Variants in DSG4 observed in about 807,000 individuals in gnomAD.
DSG4 encodes the protein desmoglein-4.
DSG4 carries 87 observed loss-of-function variants against 93.1 expected under a neutral mutation model. That is an observed-to-expected ratio of 0.93 (90% CI 0.79 to 1.12). DSG4 has a LOEUF of 1.12. DSG4 is among the 50% of genes most tolerant of loss of function. DSG4 has a pLI of 0.00. For synonymous variants in DSG4, 432 were observed against 452.9 expected (o/e 0.95, Z 0.59); for missense variants, 1,373 against 1,285.7 (o/e 1.07, Z -1.04).
At chr18:31,412,665 G>A (rs1159736502) in intron 15 of DSG4, among the ~76,000 whole-genome samples, 163 bp from the exon 16 acceptor site, 1 of 152,172 alleles carries the variant, frequency 6.6e-6, no homozygotes, top group South Asian at 2.1e-4. Context: ...TGCTATCACA[G>A]AATGTGCATG....
intron 1 of DSG4, among the ~76,000 whole-genome samples, chr18:31,377,266 C>T (rs2072086994): frequency 6.6e-6 from 1 of 152,164 alleles, no homozygotes; most frequent in Admixed American, 6.6e-5. Flanking sequence ...ATTCTATGAT[C>T]ATATAAATAA....
chr18:31,407,460 C>T (rs1001058845), intron 12 of DSG4, among the ~76,000 whole-genome samples: 1 of 150,970 alleles, frequency 6.6e-6, no homozygotes, highest in Non-Finnish European at 1.5e-5. Flanking sequence ...GCCCTCCTTT[C>T]CCCATAGAGT....
intron 12 of DSG4, among the ~76,000 whole-genome samples, chr18:31,406,760 G>T (rs2072431864): frequency 6.7e-6 from 1 of 150,054 alleles, no homozygotes; most frequent in African/African-American, 2.5e-5. Context: ...GAAAAGCTGA[G>T]GATTTTTTTT....
At chr18:31,399,005 T>G (rs1475715661) in intron 8 of DSG4, among the ~76,000 whole-genome samples, 3 of 152,232 alleles carry the variant, frequency 2.0e-5, no homozygotes, top group Non-Finnish European at 4.4e-5. Context: ...AGCATTTTTG[T>G]ATAAAAAGTC....
At chr18:31,400,457 G>GCCC (rs973346058) in intron 9 of DSG4, among the ~76,000 whole-genome samples, 7 of 152,116 alleles carry the variant, frequency 4.6e-5, no homozygotes, top group African/African-American at 1.7e-4. Context: ...GATATCACAA[G>GCCC]CCCCCAACAG....
At chr18:31,385,087 C>A in intron 1 of DSG4, 49 bp from the exon 2 acceptor site, 1 of 1,489,150 alleles carries the variant, frequency 6.7e-7, no homozygotes, top group Non-Finnish European at 9.3e-7. Flanking sequence ...ACATGGCTTC[C>A]TCTAAATTAT....
chr18:31,412,727 C>G, intron 15 of DSG4, 101 bp from the exon 16 acceptor site: 1 of 1,232,902 alleles, frequency 8.1e-7, no homozygotes. Context: ...CAGTTTATTC[C>G]GTAACAACTT....
intron 12 of DSG4, among the ~76,000 whole-genome samples, chr18:31,408,140 G>A (rs2072447737): frequency 1.3e-5 from 2 of 152,208 alleles, no homozygotes; most frequent in Admixed American, 1.3e-4. Flanking sequence ...GAGAGAGGGG[G>A]CAGTGTGATG....
rs373308767 is a variant in DSG4 at position 31,409,588 on chromosome 18, C to T, written c.2070C>T (p.Asp690=). 18 of 1,614,166 alleles carry T rather than the reference C, an allele frequency of 1.1e-5. No individual in the cohort carries two copies. Among genetic ancestry groups the T allele is most frequent in the South Asian group, 1.1e-4 (10 of 91,080 alleles). The change falls in exon 13 of 16, where the codon GAC becomes GAT. Residue 690 remains aspartate, a synonymous_variant. Coordinates refer to ENST00000308128, the MANE Select transcript of DSG4 (RefSeq NM_177986.5). The part of the protein sequence containing the change: ...SWRIEGAHPE[D]RDVSNICAPM... ...GAATTGAAGGGGCCCATCCCGAGGA[C>T]AGGGTAAGTGGACTGTCACTCTCCA... is the stretch of plus-strand genomic sequence containing the variant.
rs763042725 is a variant in DSG4 at position 31,389,010 on chromosome 18, G to A, written c.509G>A (p.Ser170Asn). The A allele has an allele frequency of 6.2e-7, 1 of 1,613,076 alleles. No individual in the cohort carries two copies. The highest frequency in any genetic ancestry group is 8.5e-7 in the Non-Finnish European group (1 of 1,179,268). ...TACACAGCCAGCATTGAAGAAAATA[G>A]TGATGCCAGTAAGTAGAATGACATT... ...SVYTASIEENSDANTLVVKLC... is the reference protein window; with the variant it reads ...SVYTASIEENNDANTLVVKLC... The change falls in exon 5 of 16, where the codon AGT (serine) becomes AAT (asparagine). Residue 170 changes from serine to asparagine, a missense_variant. By Grantham distance (46) the Ser-to-Asn change is conservative. Transcript: ENST00000308128.
intron 8 of DSG4, among the ~76,000 whole-genome samples, chr18:31,393,922 G>A (rs1270789246): frequency 6.6e-6 from 1 of 152,098 alleles, no homozygotes; most frequent in Admixed American, 6.5e-5. Context: ...ATATAAGATT[G>A]TCATCCAAAT....
chr18:31,394,130 T>C (rs1598742139), intron 8 of DSG4, among the ~76,000 whole-genome samples: 1 of 152,186 alleles, frequency 6.6e-6, no homozygotes, highest in Non-Finnish European at 1.5e-5. Context: ...TCTGTGGCTG[T>C]TTCCACACTC....
chr18:31,388,759 A>G (rs1361194619), intron 4 of DSG4, 115 bp from the exon 5 acceptor site: 6 of 1,491,974 alleles, frequency 4.0e-6, no homozygotes, highest in Non-Finnish European at 5.6e-6. Context: ...TGACTGTACT[A>G]CAGTCTGAAT....
intron 8 of DSG4, among the ~76,000 whole-genome samples, chr18:31,397,174 A>T (rs1297192811): frequency 6.6e-6 from 1 of 152,222 alleles, no homozygotes; most frequent in African/African-American, 2.4e-5. Flanking sequence ...CGTAGCTTCT[A>T]TACTACAATT....
At chr18:31,397,713 A>G (rs1284249745) in intron 8 of DSG4, among the ~76,000 whole-genome samples, 1 of 152,116 alleles carries the variant, frequency 6.6e-6, no homozygotes, top group African/African-American at 2.4e-5. Context: ...AGAAAAGCAC[A>G]AGAGATTTCT....
intron 12 of DSG4, among the ~76,000 whole-genome samples, chr18:31,406,672 G>A (rs553871445): frequency 5.9e-5 from 9 of 152,292 alleles, no homozygotes; most frequent in African/African-American, 1.9e-4. Flanking sequence ...TGCTTTAAGA[G>A]TAGAGAGGCA....
intron 11 of DSG4, among the ~76,000 whole-genome samples, chr18:31,405,124 A>G (rs1296571599): frequency 6.6e-6 from 1 of 152,224 alleles, no homozygotes; most frequent in Non-Finnish European, 1.5e-5. Flanking sequence ...ATAATAAACC[A>G]TCATAATAAA....
intron 1 of DSG4, among the ~76,000 whole-genome samples, chr18:31,379,270 G>A (rs566639013): frequency 5.0e-4 from 76 of 152,148 alleles, no homozygotes; most frequent in Non-Finnish European, 9.8e-4. Context: ...ACTTCTCAGG[G>A]CTTCCTTTGA....
At chr18:31,379,204 G>A (rs1023902351) in intron 1 of DSG4, among the ~76,000 whole-genome samples, 3 of 152,158 alleles carry the variant, frequency 2.0e-5, no homozygotes, top group Non-Finnish European at 4.4e-5. Flanking sequence ...AGAAGTCCCG[G>A]GTTTGAATTA....
Sources: allele counts gnomAD v4.1 joint callset (sites outside exome capture counted in the v4.1 genomes callset), GRCh38; gene constraint gnomAD v4.1.1; transcripts MANE v1.5; gene names NCBI Gene and HGNC (gene_info 2026-07-23, HGNC 2026-07-21).